Variants in SEPTIN2 observed in about 807,000 individuals in gnomAD.
SEPTIN2 encodes the protein septin-2.
In SEPTIN2, 34 loss-of-function variants were observed where a neutral mutation model predicts 46.5. The observed-to-expected ratio is 0.73, with a 90% CI of 0.56 to 0.97. SEPTIN2 has a LOEUF of 0.97. SEPTIN2 is among the 50% of genes least tolerant of loss of function. The probability of loss-of-function intolerance (pLI) is 0.00; values close to 1 mark genes in which losing one functional copy is unlikely to be tolerated. For missense variants in SEPTIN2, 347 were observed against 448.4 expected (o/e 0.77, Z 2.04); for synonymous variants, 175 against 153.4 (o/e 1.14, Z -1.04).
intron 3 of SEPTIN2, among the ~76,000 whole-genome samples, chr2:241,329,979 C>G (rs998077823): frequency 1.3e-5 from 2 of 152,270 alleles, no homozygotes; most frequent in African/African-American, 2.4e-5. Context: ...CTCATTACGG[C>G]CAGCAGATAT....
chr2:241,323,548 C>T (rs1237121236), intron 1 of SEPTIN2, among the ~76,000 whole-genome samples: 2 of 152,162 alleles, frequency 1.3e-5, no homozygotes, highest in African/African-American at 2.4e-5. Flanking sequence ...GTGAGCATCA[C>T]GTCTGGCCTA....
chr2:241,353,503 C>T lies in SEPTIN2; in HGVS notation c.*1566C>T, dbSNP rs561863455. 14 of 152,232 alleles carry T rather than the reference C, an allele frequency of 9.2e-5. No individual in the cohort carries two copies. The highest frequency in any genetic ancestry group is 3.4e-4 in the African/African-American group (14 of 41,532). The allele number at this position is 152,232 out of a possible 1,614,324, so 9.4% of individuals were successfully genotyped here. A position where few individuals can be genotyped will look rare whatever the true frequency, so the allele number is the denominator to read the frequency against. The stretch of plus-strand genomic sequence containing the variant: ...GGGCTAGAAAAAACATAAAATGAGG[C>T]AGTTAAATAATAATAGTTAATGAAG... On this transcript the variant is annotated 3_prime_UTR_variant, in exon 13 of 13. Transcript: ENST00000391971.
At chr2:241,346,086 T>C (rs79094435) in intron 9 of SEPTIN2, 80 bp from the exon 10 acceptor site, 32,145 of 926,442 alleles carry the variant, frequency 0.035, 3,679 homozygotes, top group Admixed American at 0.29. Flanking sequence ...ATTTCTTCTA[T>C]GTACTTGATG....
At chr2:241,316,052 C>A (rs2076140599) in intron 1 of SEPTIN2, 70 bp downstream of exon 1, 1 of 155,334 alleles carries the variant, frequency 6.4e-6, no homozygotes, top group Admixed American at 6.5e-5. Flanking sequence ...GGGGGACGCG[C>A]CGCTCGTCCC....
chr2:241,350,908 A>G (rs1035684809), intron 12 of SEPTIN2, among the ~76,000 whole-genome samples: 4 of 152,218 alleles, frequency 2.6e-5, no homozygotes, highest in African/African-American at 9.7e-5. Context: ...TGCCAGAGGA[A>G]AAGCATGAAA....
At chr2:241,322,304 T>A (rs2077241909) in intron 1 of SEPTIN2, among the ~76,000 whole-genome samples, 1 of 152,056 alleles carries the variant, frequency 6.6e-6, no homozygotes, top group Non-Finnish European at 1.5e-5. Context: ...AAAATTTGTT[T>A]AAAAATTCCA....
chr2:241,316,429 G>A (rs1283894924), intron 1 of SEPTIN2: 12 of 1,277,900 alleles, frequency 9.4e-6, no homozygotes, highest in Non-Finnish European at 1.2e-5. Context: ...GAGGCGTGGA[G>A]GACTGGCCAG....
chr2:241,320,688 C>T (rs1261460129), intron 1 of SEPTIN2, among the ~76,000 whole-genome samples: 1 of 152,094 alleles, frequency 6.6e-6, no homozygotes, highest in Non-Finnish European at 1.5e-5. Flanking sequence ...ATTCCGGAGG[C>T]TGAGGCAGGA....
At position 241,343,103 on chromosome 2, in the gene SEPTIN2, G is replaced by T; in HGVS notation, c.696+10G>T. 6.9e-7 allele frequency: 1 copy of T among 1,452,776 alleles called. No individual in the cohort carries two copies. The highest frequency in any genetic ancestry group is 1.2e-5 in the South Asian group (1 of 85,920). 90.0% of individuals were successfully genotyped at this position (1,452,776 alleles called of 1,614,324 possible). On this transcript the variant is annotated intron_variant, in intron 8 of 12. Transcript: ENST00000391971. Reference sequence around the variant, plus strand: ...GACTAGACTTCTCAAGGTAAGAACTGGCTTCAGATCCACAACATAAATAAC... The same window carrying T: ...GACTAGACTTCTCAAGGTAAGAACTTGCTTCAGATCCACAACATAAATAAC...
intron 10 of SEPTIN2, 144 bp from the exon 11 acceptor site, chr2:241,347,990 G>A (rs778024148): frequency 7.9e-5 from 43 of 545,628 alleles, no homozygotes; most frequent in Middle Eastern, 6.0e-4. Flanking sequence ...ACTCCAGCCC[G>A]TGCGACAGAG....
At chr2:241,342,240 T>TTTTC (rs1174957281) in intron 7 of SEPTIN2, among the ~76,000 whole-genome samples, 1 of 152,130 alleles carries the variant, frequency 6.6e-6, no homozygotes, top group Non-Finnish European at 1.5e-5. Flanking sequence ...TTTTGTTTTT[T>TTTTC]TTTCTTTCTT....
At chr2:241,345,061 C>T (rs561408119) in intron 9 of SEPTIN2, among the ~76,000 whole-genome samples, 7 of 151,704 alleles carry the variant, frequency 4.6e-5, no homozygotes, top group Admixed American at 2.0e-4. Context: ...TGCAGTGAGC[C>T]GGGATTGCGC....
intron 3 of SEPTIN2, among the ~76,000 whole-genome samples, chr2:241,331,634 A>T (rs190016521): frequency 6.0e-4 from 92 of 152,270 alleles, no homozygotes; most frequent in African/African-American, 2.1e-3. Context: ...GAAGTGATCC[A>T]CCCTTCTCAG....
chr2:241,343,924 G>A, intron 9 of SEPTIN2, 27 bp downstream of exon 9: 1 of 1,612,026 alleles, frequency 6.2e-7, no homozygotes, highest in African/African-American at 1.3e-5. Context: ...GTTCCTTCTG[G>A]CAGAATTTGG....
At chr2:241,327,431 G>C (rs2078177590) in intron 3 of SEPTIN2, among the ~76,000 whole-genome samples, 1 of 150,110 alleles carries the variant, frequency 6.7e-6, no homozygotes, top group Non-Finnish European at 1.5e-5. Context: ...AAAAGAAATT[G>C]AATGTGCCCT....
intron 1 of SEPTIN2, among the ~76,000 whole-genome samples, chr2:241,321,247 A>G (rs12476462): frequency 0.16 from 24,106 of 152,014 alleles, 2,097 homozygotes; most frequent in Middle Eastern, 0.28. Context: ...AGAGAACTCT[A>G]TTAAAGTTTC....
rs565714105 is a variant in SEPTIN2, at chr2:241,338,654, A to T, written c.594+864A>T. Among the ~76,000 whole-genome samples, 12 of 128,478 alleles carry T rather than the reference A, an allele frequency of 9.3e-5. No homozygotes were observed. In the South Asian group the frequency reaches 1.8e-3, roughly 19 times the overall value. The allele number at this position is 128,478 out of a possible 152,430, so 84.3% of individuals were successfully genotyped here. ...TAAATATATATAATATATATTACAT[A>T]TATATTATATCTATATTATTTATAT... On this transcript the variant is annotated intron_variant, in intron 7 of 12. Transcript: ENST00000391971.
At chr2:241,316,392 T>C (rs1172169115) in intron 1 of SEPTIN2, 2 of 1,021,826 alleles carry the variant, frequency 2.0e-6, no homozygotes, top group African/African-American at 1.7e-5. Flanking sequence ...GGCCATCTTG[T>C]CTTTCTAACG....
In SEPTIN2 at chr2:241,331,163, A is replaced by T. The variant is rs577585737; in HGVS notation, c.131-3963A>T. Among the ~76,000 whole-genome samples, 8 of 152,312 alleles carry T rather than the reference A, an allele frequency of 5.3e-5. No individual in the cohort carries two copies. The South Asian group carries it at 1.7e-3, about 32-fold the overall frequency. ...CACTGCACTCCAGCCTGCATGACAG[A>T]GCGAGACTCCGTCTCAAAAAAAACA... On this transcript the variant is annotated intron_variant, in intron 3 of 12. Coordinates refer to ENST00000391971, the MANE Select transcript of SEPTIN2 (RefSeq NM_004404.5).
Sources: gnomAD v4.1 joint callset for allele counts (sites outside exome capture counted in the v4.1 genomes callset) on GRCh38, gnomAD v4.1.1 for gene constraint, MANE v1.5 for transcripts, NCBI Gene and HGNC (gene_info 2026-07-23, HGNC 2026-07-21) for gene names.